ADAMTS12: variants seen among roughly 807,000 people sequenced by gnomAD.
ADAMTS12 encodes ADAM metallopeptidase with thrombospondin type 1 motif 12, also known as A disintegrin and metalloproteinase with thrombospondin motifs 12.
ADAMTS12 carries 118 observed loss-of-function variants against 167.8 expected under a neutral mutation model. The ratio of observed to expected loss-of-function variants is 0.70; its 90% CI spans 0.61 to 0.82. The LOEUF (loss-of-function observed/expected upper bound fraction) is 0.82, where lower values mean the gene tolerates loss of function less well. ADAMTS12 is among the 40% of genes least tolerant of loss of function. ADAMTS12 has a pLI of 0.00. For synonymous variants in ADAMTS12, 704 were observed against 716.9 expected, an observed-to-expected ratio of 0.98 and a Z score of 0.29; for missense variants, 1,916 against 1,998.8, an observed-to-expected ratio of 0.96 and a Z score of 0.79.
intron 20 of ADAMTS12, among the ~76,000 whole-genome samples, chr5:33,554,483 A>G (rs1561122083): frequency 6.6e-6 from 1 of 152,140 alleles, no homozygotes; most frequent in African/African-American, 2.4e-5. Context: ...GTGTCAAGAG[A>G]GTGTGATGGT....
intron 22 of ADAMTS12, among the ~76,000 whole-genome samples, chr5:33,539,092 C>T (rs256643): frequency 0.41 from 62,362 of 151,920 alleles, 13,815 homozygotes; most frequent in East Asian, 0.76. Context: ...CAGGCATGTA[C>T]CACCATGCCT....
intron 22 of ADAMTS12, among the ~76,000 whole-genome samples, chr5:33,539,420 ACTATGC>A (rs1744575255): frequency 6.6e-6 from 1 of 152,210 alleles, no homozygotes; most frequent in Non-Finnish European, 1.5e-5. Flanking sequence ...AATAAGTCTG[ACTATGC>A]CTAAAGCTTT....
intron 2 of ADAMTS12, among the ~76,000 whole-genome samples, chr5:33,794,428 A>G (rs1746694894): frequency 1.3e-5 from 2 of 152,174 alleles, no homozygotes. Context: ...AGCAGGCAAG[A>G]TGGTGCTGAG....
chr5:33,597,583 C>T (rs558430647), intron 16 of ADAMTS12, among the ~76,000 whole-genome samples: 12 of 152,276 alleles, frequency 7.9e-5, no homozygotes, highest in Admixed American at 2.6e-4. Flanking sequence ...AGCATGGACT[C>T]GCTTCAGCCA....
intron 16 of ADAMTS12, among the ~76,000 whole-genome samples, chr5:33,610,678 C>T (rs1738686309): frequency 6.6e-6 from 1 of 152,166 alleles, no homozygotes; most frequent in African/African-American, 2.4e-5. Flanking sequence ...GCATTCATTA[C>T]AGAATTGCAG....
chr5:33,581,014 G>A (rs1561143583), intron 18 of ADAMTS12, among the ~76,000 whole-genome samples: 1 of 152,138 alleles, frequency 6.6e-6, no homozygotes, highest in African/African-American at 2.4e-5. Context: ...ATGCCCAGCT[G>A]GACAGTATTA....
At chr5:33,819,068 T>C (rs1163733973) in intron 2 of ADAMTS12, among the ~76,000 whole-genome samples, 2 of 152,166 alleles carry the variant, frequency 1.3e-5, no homozygotes, top group Non-Finnish European at 2.9e-5. Flanking sequence ...TTTCCTTTGC[T>C]GTGCAAAGCT....
chr5:33,652,423 GTCT>G (rs1396559836), intron 7 of ADAMTS12, among the ~76,000 whole-genome samples: 1 of 151,970 alleles, frequency 6.6e-6, no homozygotes, highest in Non-Finnish European at 1.5e-5. Context: ...CCACTTTTGT[GTCT>G]TCTTTTGAAA....
intron 13 of ADAMTS12, among the ~76,000 whole-genome samples, chr5:33,629,276 A>C (rs1286916862): frequency 6.6e-6 from 1 of 152,236 alleles, no homozygotes; most frequent in Non-Finnish European, 1.5e-5. Context: ...AAGCAACTGT[A>C]TAGATAAATA....
chr5:33,644,943 G>C lies in ADAMTS12; in HGVS notation c.1480-1473C>G, dbSNP rs145375345. 7.0e-3 allele frequency among the ~76,000 whole-genome samples: 1,069 copies of C among 152,132 alleles called. 15 individuals carry two copies. Among genetic ancestry groups the C allele is most frequent in the African/African-American group, 0.024 (1,016 of 41,522 alleles). The stretch of plus-strand genomic sequence containing the variant: ...GACGGGGTTTCACAGTGTTAGCCAG[G>C]ATGGTCTTGATCTCCTGACCTCGTG... On this transcript the variant is annotated intron_variant, in intron 9 of 23. Coordinates refer to ENST00000504830, the MANE Select transcript of ADAMTS12 (RefSeq NM_030955.4).
At chr5:33,832,947 CT>C (rs1748361455) in intron 2 of ADAMTS12, among the ~76,000 whole-genome samples, 1 of 137,914 alleles carries the variant, frequency 7.3e-6, no homozygotes, top group Admixed American at 7.3e-5. Flanking sequence ...CTATCTTTAA[CT>C]TTTTAAATTC....
intron 2 of ADAMTS12, among the ~76,000 whole-genome samples, chr5:33,814,499 G>A (rs1474512791): frequency 1.3e-5 from 2 of 152,160 alleles, no homozygotes; most frequent in Admixed American, 6.6e-5. Context: ...TAAGCAGTTA[G>A]ATACATGAGT....
intron 17 of ADAMTS12, among the ~76,000 whole-genome samples, chr5:33,595,182 A>T (rs1464498929): frequency 6.7e-6 from 1 of 149,280 alleles, no homozygotes; most frequent in Admixed American, 6.7e-5. Context: ...TTTTTTTTAA[A>T]CATAAGCCTG....
intron 2 of ADAMTS12, among the ~76,000 whole-genome samples, chr5:33,857,193 T>C (rs371310903): frequency 1.6e-4 from 24 of 152,274 alleles, no homozygotes; most frequent in African/African-American, 5.8e-4. Context: ...ATCTCACTTA[T>C]ATGTGGAACC....
At chr5:33,774,967 G>A (rs1485566038) in intron 2 of ADAMTS12, among the ~76,000 whole-genome samples, 1 of 152,188 alleles carries the variant, frequency 6.6e-6, no homozygotes, top group Admixed American at 6.5e-5. Context: ...CGGAAGGGAT[G>A]AATGCGGTAA....
At chr5:33,602,351 A>C (rs910567451) in intron 16 of ADAMTS12, among the ~76,000 whole-genome samples, 1 of 152,236 alleles carries the variant, frequency 6.6e-6, no homozygotes, top group South Asian at 2.1e-4. Context: ...GTATATTACT[A>C]GTAGATTATT....
intron 12 of ADAMTS12, among the ~76,000 whole-genome samples, chr5:33,633,129 A>G (rs1011931472): frequency 3.8e-4 from 57 of 150,652 alleles, no homozygotes; most frequent in Non-Finnish European, 7.7e-4. Context: ...GGATAATAGG[A>G]ATTCATTTCT....
intron 11 of ADAMTS12, among the ~76,000 whole-genome samples, chr5:33,640,379 ATAG>A (rs967915552): frequency 2.6e-5 from 4 of 152,198 alleles, no homozygotes; most frequent in Non-Finnish European, 4.4e-5. Context: ...CCCTTCTCTG[ATAG>A]CCACAAGTCA....
At chr5:33,847,560 T>C (rs73073050) in intron 2 of ADAMTS12, among the ~76,000 whole-genome samples, 5,729 of 151,274 alleles carry the variant, frequency 0.038, 379 homozygotes, top group African/African-American at 0.13. Flanking sequence ...GAGATGGAGA[T>C]TGTGGTGAGC....
Sources: gnomAD v4.1 joint callset for allele counts (sites outside exome capture counted in the v4.1 genomes callset) on GRCh38, gnomAD v4.1.1 for gene constraint, MANE v1.5 for transcripts, NCBI Gene and HGNC (gene_info 2026-07-23, HGNC 2026-07-21) for gene names.